PTPRJ: variants seen among roughly 807,000 people sequenced by gnomAD.
PTPRJ encodes the protein protein tyrosine phosphatase receptor type J, also known as receptor-type tyrosine-protein phosphatase eta.
A neutral mutation model predicts 141.3 loss-of-function variants in PTPRJ; 129 were observed. The observed-to-expected ratio is 0.91, with a 90% CI of 0.79 to 1.06. The LOEUF is 1.06. Among genes scored for constraint, PTPRJ ranks in the 50% least tolerant of loss-of-function variants. The probability of loss-of-function intolerance (pLI) is 0.00; values close to 1 mark genes in which losing one functional copy is unlikely to be tolerated. For synonymous variants in PTPRJ, 610 were observed against 640.5 expected (o/e 0.95, Z 0.72); for missense variants, 1,601 against 1,679.7 (o/e 0.95, Z 0.82).
intron 22 of PTPRJ, among the ~76,000 whole-genome samples, chr11:48,161,117 G>A (rs775278417): frequency 1.7e-4 from 23 of 135,982 alleles, no homozygotes; most frequent in Admixed American, 1.5e-3. Context: ...GGTCGAGGCT[G>A]CAGTGAACCG....
At chr11:48,000,294 C>A (rs1009165543) in intron 1 of PTPRJ, among the ~76,000 whole-genome samples, 2 of 151,770 alleles carry the variant, frequency 1.3e-5, no homozygotes, top group Non-Finnish European at 1.5e-5. Context: ...ATGTGTGCCA[C>A]CTCTCCTGGG....
At chr11:48,007,327 TCTCGATCTCCTGACGTCGTGATCCGC>T (rs1854650229) in intron 1 of PTPRJ, among the ~76,000 whole-genome samples, 1 of 151,788 alleles carries the variant, frequency 6.6e-6, no homozygotes, top group South Asian at 2.1e-4. Context: ...GCCAGGTTGG[TCTCGATCTCCTGACGTCGTGATCCGC>T]CCACCTCGGC....
At chr11:48,041,459 T>C (rs1465732302) in intron 1 of PTPRJ, among the ~76,000 whole-genome samples, 1 of 152,188 alleles carries the variant, frequency 6.6e-6, no homozygotes, top group Non-Finnish European at 1.5e-5. Flanking sequence ...ACTACAAACT[T>C]CATCACAAAA....
chr11:48,122,978 C>T, intron 4 of PTPRJ, among the ~76,000 whole-genome samples: 1 of 152,054 alleles, frequency 6.6e-6, no homozygotes, highest in East Asian at 1.9e-4. Flanking sequence ...CTCTCTGGGT[C>T]TTCGTGTTCT....
chr11:48,161,853 A>G (rs1316251900), intron 22 of PTPRJ, among the ~76,000 whole-genome samples: 1 of 151,910 alleles, frequency 6.6e-6, no homozygotes, highest in Non-Finnish European at 1.5e-5. Flanking sequence ...TGACCTTGTG[A>G]TCCACCTGCT....
At chr11:48,105,439 C>G (rs989600033) in intron 1 of PTPRJ, among the ~76,000 whole-genome samples, 1 of 152,146 alleles carries the variant, frequency 6.6e-6, no homozygotes, top group African/African-American at 2.4e-5. Context: ...AGGAAGTCAC[C>G]AAGTGAATTG....
Position 48,169,512 on chromosome 11 carries a change from G to A in PTPRJ, c.*2150G>A, listed in dbSNP as rs1165532528. 2 of 152,058 alleles carry A rather than the reference G, an allele frequency of 1.3e-5. No homozygotes were observed. The highest frequency in any genetic ancestry group is 1.9e-4 in the East Asian group (1 of 5,164). The allele number at this position is 152,058 out of a possible 1,614,324, so 9.4% of individuals were successfully genotyped here. A position where few individuals can be genotyped will look rare whatever the true frequency, so the allele number is the denominator to read the frequency against. ...CCTGCCTCCAACTCATACAGATCTC[G>A]GAGCGGTCGGTACTTCATTCATAGG... On this transcript the variant is annotated 3_prime_UTR_variant, in exon 25 of 25. Coordinates refer to ENST00000418331, the MANE Select transcript of PTPRJ (RefSeq NM_002843.4).
At chr11:48,101,679 G>A (rs533159978) in intron 1 of PTPRJ, among the ~76,000 whole-genome samples, 2 of 152,334 alleles carry the variant, frequency 1.3e-5, no homozygotes, top group Non-Finnish European at 2.9e-5. Flanking sequence ...GGAGGATTCC[G>A]TGGGGAGCTA....
chr11:48,139,458 C>T, intron 10 of PTPRJ, 28 bp from the exon 11 acceptor site: 1 of 1,603,276 alleles, frequency 6.2e-7, no homozygotes, highest in Non-Finnish European at 8.5e-7. Flanking sequence ...GTCCCGGAAT[C>T]TCATGCTGTG....
intron 8 of PTPRJ, among the ~76,000 whole-genome samples, chr11:48,133,738 A>G (rs766146226): frequency 6.6e-6 from 1 of 152,208 alleles, no homozygotes; most frequent in Non-Finnish European, 1.5e-5. Flanking sequence ...GATAGATAAA[A>G]TGTGGTTCAT....
Position 48,125,024 on chromosome 11 carries a change from G to C in PTPRJ, c.931G>C (p.Glu311Gln). The C allele has an allele frequency of 6.2e-7, 1 of 1,614,100 alleles. No homozygotes were observed. Among genetic ancestry groups the C allele is most frequent in the Non-Finnish European group, 8.5e-7 (1 of 1,180,008 alleles). ...GAGCCCCACCGCCCCTGTGCATGAT[G>C]AGTCCCTCGTGGGACCTGTGGACCC... Reference protein sequence around the residue: ...AGSPTAPVHDESLVGPVDPSS... With the variant: ...AGSPTAPVHDQSLVGPVDPSS... The change falls in exon 6 of 25, where the codon GAG becomes CAG. Residue 311 changes from glutamate to glutamine, a missense_variant. Coordinates refer to ENST00000418331, the MANE Select transcript of PTPRJ (RefSeq NM_002843.4).
intron 1 of PTPRJ, among the ~76,000 whole-genome samples, chr11:48,013,746 C>T (rs1193496171): frequency 1.3e-5 from 2 of 152,122 alleles, no homozygotes; most frequent in African/African-American, 2.4e-5. Flanking sequence ...GTGAGCCAAG[C>T]AGAACCATGT....
chr11:48,143,982 G>A (rs559749968), intron 12 of PTPRJ, among the ~76,000 whole-genome samples: 1 of 151,902 alleles, frequency 6.6e-6, no homozygotes, highest in South Asian at 2.1e-4. Context: ...GCCTTCCAAA[G>A]TGCTGGGACT....
At chr11:48,096,201 A>G (rs1319550448) in intron 1 of PTPRJ, among the ~76,000 whole-genome samples, 1 of 152,212 alleles carries the variant, frequency 6.6e-6, no homozygotes, top group Non-Finnish European at 1.5e-5. Context: ...ACGGCTCTGC[A>G]GTGTGACCCA....
intron 1 of PTPRJ, among the ~76,000 whole-genome samples, chr11:48,054,550 A>C (rs754246292): frequency 6.6e-6 from 1 of 152,088 alleles, no homozygotes. Context: ...CCACCTAGTT[A>C]GAAGCACATC....
chr11:47,999,863 C>T (rs193248152), intron 1 of PTPRJ, among the ~76,000 whole-genome samples: 12 of 136,268 alleles, frequency 8.8e-5, no homozygotes, highest in Middle Eastern at 3.8e-3. Context: ...CGAGATTCTT[C>T]TTTTTTTTTT....
chr11:48,049,799 C>T (rs989936169), intron 1 of PTPRJ, among the ~76,000 whole-genome samples: 1 of 151,766 alleles, frequency 6.6e-6, no homozygotes, highest in African/African-American at 2.4e-5. Context: ...TCTGTGTGGG[C>T]AGACAGATTG....
At chr11:48,112,631 G>A in intron 2 of PTPRJ, 116 bp from the exon 3 acceptor site, 1 of 760,608 alleles carries the variant, frequency 1.3e-6, no homozygotes, top group South Asian at 1.7e-5. Context: ...GAGAAAGAGA[G>A]GGATCAGTTT....
intron 1 of PTPRJ, among the ~76,000 whole-genome samples, chr11:48,000,982 A>ATTTTTTT (rs1002159076): frequency 8.1e-6 from 1 of 122,884 alleles, no homozygotes; most frequent in African/African-American, 3.2e-5. Context: ...GTCCCATATA[A>ATTTTTTT]TTTTTTTTTT....
Sources: gnomAD v4.1 joint callset for allele counts (sites outside exome capture counted in the v4.1 genomes callset) on GRCh38, gnomAD v4.1.1 for gene constraint, MANE v1.5 for transcripts, NCBI Gene and HGNC (gene_info 2026-07-23, HGNC 2026-07-21) for gene names.